The following SPTB variants were observed in gnomAD, a reference collection of about 807,000 sequenced individuals.
The protein encoded by SPTB is spectrin beta chain, erythrocytic.
In SPTB, 45 loss-of-function variants were observed where a neutral mutation model predicts 256.2. The observed-to-expected ratio is 0.18, with a 90% CI of 0.14 to 0.23. The LOEUF (loss-of-function observed/expected upper bound fraction) is 0.23, where lower values mean the gene tolerates loss of function less well. Ranked by LOEUF, SPTB falls within the 10% of genes least tolerant of loss-of-function variation. The pLI, the probability that SPTB is intolerant of heterozygous loss-of-function variation, is 1.00. For synonymous variants in SPTB, 1,231 were observed against 1,243.1 expected, an observed-to-expected ratio of 0.99 and a Z score of 0.21; for missense variants, 2,715 against 3,040.4, an observed-to-expected ratio of 0.89 and a Z score of 2.52.
intron 20 of SPTB, among the ~76,000 whole-genome samples, chr14:64,780,842 G>A (rs1300868683): frequency 6.6e-6 from 1 of 152,180 alleles, no homozygotes; most frequent in Non-Finnish European, 1.5e-5. Flanking sequence ...AGGCTACAGT[G>A]ACAAAAACAG....
At chr14:64,835,596 C>G (rs2083512159) in intron 1 of SPTB, among the ~76,000 whole-genome samples, 1 of 152,120 alleles carries the variant, frequency 6.6e-6, no homozygotes, top group South Asian at 2.1e-4. Flanking sequence ...GGGAGAGCAG[C>G]ACTCTACCAC....
At chr14:64,774,780 C>T (rs1001674352) in intron 23 of SPTB, among the ~76,000 whole-genome samples, 3 of 152,166 alleles carry the variant, frequency 2.0e-5, no homozygotes, top group Non-Finnish European at 4.4e-5. Context: ...ACCCCTGTCC[C>T]CATGAAAACA....
intron 1 of SPTB, among the ~76,000 whole-genome samples, chr14:64,877,151 A>T (rs905396376): frequency 1.7e-5 from 2 of 115,816 alleles, no homozygotes; most frequent in African/African-American, 8.0e-5. Flanking sequence ...TCTGTTCTTT[A>T]AAAAAAAAAA....
At chr14:64,776,126 G>A (rs17102081) in intron 22 of SPTB, among the ~76,000 whole-genome samples, 3,137 of 152,164 alleles carry the variant, frequency 0.021, 121 homozygotes, top group African/African-American at 0.071. Flanking sequence ...GCTGGTGTGT[G>A]GGCTCCTGAG....
In SPTB at chr14:64,794,723, T is replaced by G. The variant is rs554547869; in HGVS notation, c.1645-106A>C. 73 of 1,455,910 alleles carry G rather than the reference T, an allele frequency of 5.0e-5. No individual in the cohort carries two copies. In the South Asian group the frequency reaches 8.1e-4, roughly 16 times the overall value. 90.2% of individuals were successfully genotyped at this position (1,455,910 alleles called of 1,614,324 possible). A position where few individuals can be genotyped will look rare whatever the true frequency, so the allele number is the denominator to read the frequency against. ...ATGTCTCTAGTAATCTGAGCAAGGG[T>G]GAGCCAAATGCAGCCAGAAAAGGGC... On this transcript the variant is annotated intron_variant, in intron 12 of 35. Coordinates refer to ENST00000644917, the MANE Select transcript of SPTB (RefSeq NM_001355436.2).
At position 64,803,754 on chromosome 14, in the gene SPTB, G is replaced by A. The variant is rs746046089; in HGVS notation, c.327C>T (p.Arg109=). The A allele has an allele frequency of 3.7e-6, 6 of 1,613,530 alleles. No homozygotes were observed. The South Asian group carries it at 6.6e-5, about 18-fold the overall frequency. The change falls in exon 4 of 36, where the codon CGC becomes CGT. Residue 109 remains arginine, a synonymous_variant. Coordinates refer to ENST00000644917, the MANE Select transcript of SPTB (RefSeq NM_001355436.2). The stretch of plus-strand genomic sequence containing the variant: ...TGTCCACATTCTCCAGGCAGTGGAT[G>A]CGCATCTTCCCCTTGGTGGGCTTTG... ...MLPKPTKGKM[R]IHCLENVDKA...
intron 1 of SPTB, among the ~76,000 whole-genome samples, chr14:64,857,024 G>C (rs1432976298): frequency 6.6e-6 from 1 of 152,162 alleles, no homozygotes; most frequent in Non-Finnish European, 1.5e-5. Context: ...AACCCTTTGA[G>C]GGATTAGCAC....
intron 32 of SPTB, 32 bp downstream of exon 32, chr14:64,766,694 C>G (rs769849087): frequency 6.2e-7 from 1 of 1,613,458 alleles, no homozygotes; most frequent in South Asian, 1.1e-5. Context: ...CAGTGACTCC[C>G]AGGAACTAGA....
At position 64,853,022 on chromosome 14, in the gene SPTB, T is replaced by C. The variant is rs1326232722; in HGVS notation, c.-52+26770A>G. Among the ~76,000 whole-genome samples, 1 of 152,160 alleles carries C rather than the reference T, an allele frequency of 6.6e-6. No individual in the cohort carries two copies. Among genetic ancestry groups the C allele is most frequent in the Non-Finnish European group, 1.5e-5 (1 of 68,032 alleles). ...ACTAGCTTGGGGGATGTGGGGAGGC[T>C]TCCCTGAGGAAGTAGCCTTTAAATG... On this transcript the variant is annotated intron_variant, in intron 1 of 35. Coordinates refer to ENST00000644917, the MANE Select transcript of SPTB (RefSeq NM_001355436.2). This position sits in a 1 kb window ranked among gnomAD's most constrained non-coding sequence, Gnocchi z 4.3.
chr14:64,782,163 CAT>C, intron 20 of SPTB, 125 bp downstream of exon 20: 1 of 1,337,750 alleles, frequency 7.5e-7, no homozygotes, highest in East Asian at 2.3e-5. Flanking sequence ...ACCCCCATGA[CAT>C]GTGTTTATCT....
In SPTB at chr14:64,773,202, G is replaced by A. The variant is rs1157010066; in HGVS notation, c.5178+18C>T. 6.2e-7 allele frequency: 1 copy of A among 1,614,132 alleles called. No individual in the cohort carries two copies. Among genetic ancestry groups the A allele is most frequent in the Middle Eastern group, 1.6e-4 (1 of 6,062 alleles). ...GCATTAGAGAAAGACAAAAACAGCAGGAGTTGTGGCTACTCACAGTCACGT... is the reference window on the plus strand; with the variant it reads ...GCATTAGAGAAAGACAAAAACAGCAAGAGTTGTGGCTACTCACAGTCACGT... On this transcript the variant is annotated intron_variant, in intron 25 of 35. Coordinates refer to ENST00000644917, the MANE Select transcript of SPTB (RefSeq NM_001355436.2).
In SPTB at chr14:64,758,519, C is replaced by T. The variant is rs974810806; in HGVS notation, c.6346-4726G>A. 5.3e-5 allele frequency among the ~76,000 whole-genome samples: 8 copies of T among 152,260 alleles called. No homozygotes were observed. Among genetic ancestry groups the T allele is most frequent in the African/African-American group, 9.6e-5 (4 of 41,476 alleles). On this transcript the variant is annotated intron_variant, in intron 32 of 35. Transcript: ENST00000644917. The surrounding 1 kb of genome is among the most constrained non-coding windows in gnomAD (Gnocchi z 4.6). ...AAGCCAAAGGCAGAGGCCCCAGGTC[C>T]GGCCAAAGACAACGGCGTGCTGCTG...
At chr14:64,846,141 T>C (rs1227176701) in intron 1 of SPTB, among the ~76,000 whole-genome samples, 1 of 152,152 alleles carries the variant, frequency 6.6e-6, no homozygotes, top group Non-Finnish European at 1.5e-5. Context: ...TTATAACGCA[T>C]CAGGATGACT....
chr14:64,801,344 T>C lies in SPTB; in HGVS notation c.704A>G (p.Glu235Gly). 1 of 1,614,204 alleles carries C rather than the reference T, an allele frequency of 6.2e-7. No homozygotes were observed. Among genetic ancestry groups the C allele is most frequent in the Non-Finnish European group, 8.5e-7 (1 of 1,180,018 alleles). ...GCGCTCAGCCACATTGAATGCGTGCTCCAGGTTGTGCCGGGCATTGGAGTC... is the reference window on the plus strand; with the variant it reads ...GCGCTCAGCCACATTGAATGCGTGCCCCAGGTTGTGCCGGGCATTGGAGTC... ...LKDSNARHNLEHAFNVAERQL... is the reference protein window; with the variant it reads ...LKDSNARHNLGHAFNVAERQL... The change falls in exon 7 of 36, where the codon GAG becomes GGG. Residue 235 changes from glutamate to glycine, a missense_variant. Glu to Gly is a moderately conservative substitution (Grantham distance 98). Transcript: ENST00000644917.
In SPTB at chr14:64,801,476, G is replaced by C. The variant is rs1337124651; in HGVS notation, c.648-76C>G. On this transcript the variant is annotated intron_variant, in intron 6 of 35. Coordinates refer to ENST00000644917, the MANE Select transcript of SPTB (RefSeq NM_001355436.2). ...AGGAGGGCAGCCCTAGCATGAAGCA[G>C]ACATTGTACAGAGGCAGGGAGGTGG... 8.1e-6 allele frequency: 9 copies of C among 1,113,820 alleles called. No individual in the cohort carries two copies. In the Admixed American group the frequency reaches 1.6e-4, roughly 19 times the overall value. 69.0% of individuals were successfully genotyped at this position (1,113,820 alleles called of 1,614,324 possible).
intron 30 of SPTB, 34 bp from the exon 31 acceptor site, chr14:64,767,386 CCA>C: frequency 6.2e-7 from 1 of 1,613,614 alleles, no homozygotes; most frequent in African/African-American, 1.3e-5. Context: ...GTCAGAGCAG[CCA>C]CAGAGGCGAG....
At chr14:64,861,480 G>A (rs2083970160) in intron 1 of SPTB, among the ~76,000 whole-genome samples, 1 of 152,044 alleles carries the variant, frequency 6.6e-6, no homozygotes, top group East Asian at 1.9e-4. Flanking sequence ...TCTACAGCAG[G>A]GCACACACGT....
chr14:64,822,374 T>TCTCTCACA (rs1365655327), intron 2 of SPTB, among the ~76,000 whole-genome samples: 1 of 1,016 alleles, frequency 9.8e-4, no homozygotes, highest in African/African-American at 4.5e-3. Flanking sequence ...TCTCTCTCTC[T>TCTCTCACA]CACACACACA....
In SPTB at chr14:64,753,014, AG is replaced by A. The variant is rs34162667; in HGVS notation, c.6602+522del. ...AGAGTCACCAGATGACAGCATTAGAAGGGACCTCTGGGGGGCAACTAGGCCA... is the reference window on the plus strand; with the variant it reads ...AGAGTCACCAGATGACAGCATTAGAAGGACCTCTGGGGGGCAACTAGGCCA... On this transcript the variant is annotated intron_variant, in intron 33 of 35. Transcript: ENST00000644917. Among the ~76,000 whole-genome samples the A allele has an allele frequency of 1.4e-3, 210 of 152,244 alleles. 1 individual carries two copies. Among genetic ancestry groups the A allele is most frequent in the Middle Eastern group, 0.01 (3 of 294 alleles).
Sources: allele counts gnomAD v4.1 joint callset (sites outside exome capture counted in the v4.1 genomes callset), GRCh38; gene constraint gnomAD v4.1.1; non-coding constraint Gnocchi (gnomAD v3.1); transcripts MANE v1.5; gene names NCBI Gene and HGNC (gene_info 2026-07-23, HGNC 2026-07-21).